The following BAZ2B variants were observed in gnomAD, a reference collection of about 807,000 sequenced individuals.
BAZ2B encodes bromodomain adjacent to zinc finger domain 2B, also known as bromodomain adjacent to zinc finger domain protein 2B.
BAZ2B carries 91 observed loss-of-function variants against 246.0 expected under a neutral mutation model. The observed-to-expected ratio is 0.37, with a 90% CI of 0.31 to 0.44. The LOEUF (loss-of-function observed/expected upper bound fraction) is 0.44, where lower values mean the gene tolerates loss of function less well. BAZ2B is among the 20% of genes least tolerant of loss of function. BAZ2B has a pLI of 1.00. For synonymous variants in BAZ2B, 855 were observed against 860.0 expected (o/e 0.99, Z 0.10); for missense variants, 2,332 against 2,533.7 (o/e 0.92, Z 1.71).
At position 159,616,451 on chromosome 2, in the gene BAZ2B, G is replaced by C. The variant is rs1251308490; in HGVS notation, c.-255C>G. 3 of 152,180 alleles carry C rather than the reference G, an allele frequency of 2.0e-5. No individual in the cohort carries two copies. Among genetic ancestry groups the C allele is most frequent in the Non-Finnish European group, 2.9e-5 (2 of 68,056 alleles). The allele number at this position is 152,180 out of a possible 1,614,324, so 9.4% of individuals were successfully genotyped here. A position where few individuals can be genotyped will look rare whatever the true frequency, so the allele number is the denominator to read the frequency against. On this transcript the variant is annotated 5_prime_UTR_variant, in exon 1 of 37. In the 5' UTR this introduces an upstream ATG that the reference lacks. Transcript: ENST00000392783. ...CTCCGTCTTCCGCCTCTCTCTCTCT[G>C]ATTAGTTCCTATCCAGCAGCAGATT...
At chr2:159,636,159 A>G in the BAZ2B span, among the ~76,000 whole-genome samples, 2 of 152,258 alleles carry the variant, frequency 1.3e-5, no homozygotes, top group Non-Finnish European at 2.9e-5. Flanking sequence ...ATGGAACACC[A>G]AATTTTAATT....
chr2:159,448,062 T>C (rs779730012), intron 5 of BAZ2B, among the ~76,000 whole-genome samples, 180 bp downstream of exon 5: 4 of 152,054 alleles, frequency 2.6e-5, no homozygotes, highest in Admixed American at 6.6e-5. Flanking sequence ...AGGACGAGGC[T>C]ACAGTAAGCT....
the BAZ2B span, among the ~76,000 whole-genome samples, chr2:159,708,197 G>A: frequency 1.3e-5 from 2 of 152,102 alleles, no homozygotes; most frequent in South Asian, 2.1e-4. Flanking sequence ...AGGAGGCTGA[G>A]GCAGGAGGAC....
chr2:159,550,239 A>C (rs1022257058), intron 2 of BAZ2B, among the ~76,000 whole-genome samples: 2 of 152,218 alleles, frequency 1.3e-5, no homozygotes, highest in African/African-American at 4.8e-5. Context: ...TGGCTCATAC[A>C]ATACAGAATT....
intron 3 of BAZ2B, among the ~76,000 whole-genome samples, chr2:159,455,521 T>C (rs1318085594): frequency 2.0e-5 from 3 of 152,000 alleles, no homozygotes; most frequent in Non-Finnish European, 4.4e-5. Flanking sequence ...CCTCAAAGTA[T>C]CTTTACAAGG....
intron 22 of BAZ2B, among the ~76,000 whole-genome samples, chr2:159,385,720 G>A (rs1385688645): frequency 6.6e-6 from 1 of 152,084 alleles, no homozygotes; most frequent in East Asian, 1.9e-4. Flanking sequence ...AGGAATGACA[G>A]AGTGGGGAGG....
the BAZ2B span, among the ~76,000 whole-genome samples, chr2:159,666,950 G>A: frequency 6.6e-6 from 1 of 151,994 alleles, no homozygotes. Context: ...CAAGGGGAAG[G>A]ATAGCATTAG....
Position 159,405,069 on chromosome 2 carries a change from T to C in BAZ2B, c.2723A>G (p.Gln908Arg), listed in dbSNP as rs1348136658. The stretch of plus-strand genomic sequence containing the variant: ...AGCAACCCGAGCCTGTTCCTGCTTT[T>C]GAAGTTTTCTCAAAAGCTTTATTTG... ...AAQIKLLRKL[Q>R]KQEQARVAKE... is the part of the protein sequence containing the mutation. The change falls in exon 15 of 37, where the codon CAA becomes CGA. Residue 908 changes from glutamine to arginine, a missense_variant. Gln to Arg is a conservative substitution (Grantham distance 43). Transcript: ENST00000392783. 36 of 1,614,154 alleles carry C rather than the reference T, an allele frequency of 2.2e-5. No homozygotes were observed. The highest frequency in any genetic ancestry group is 3.1e-5 in the Non-Finnish European group (36 of 1,179,986).
At chr2:159,543,823 C>T (rs1270304130) in intron 2 of BAZ2B, among the ~76,000 whole-genome samples, 3 of 152,200 alleles carry the variant, frequency 2.0e-5, no homozygotes, top group African/African-American at 7.2e-5. Flanking sequence ...CATGCGCCAC[C>T]GCGCCTGGCC....
At chr2:159,361,025 C>G (rs1030288541) in intron 27 of BAZ2B, among the ~76,000 whole-genome samples, 1 of 152,054 alleles carries the variant, frequency 6.6e-6, no homozygotes, top group Non-Finnish European at 1.5e-5. Flanking sequence ...CAATACCATT[C>G]AGGACATAGG....
chr2:159,647,605 T>A, the BAZ2B span, among the ~76,000 whole-genome samples: 2 of 152,158 alleles, frequency 1.3e-5, no homozygotes, highest in African/African-American at 4.8e-5. Flanking sequence ...ACCATCACAG[T>A]TAGCCAATTC....
At chr2:159,641,136 T>C in the BAZ2B span, among the ~76,000 whole-genome samples, 1 of 152,064 alleles carries the variant, frequency 6.6e-6, no homozygotes, top group Non-Finnish European at 1.5e-5. Context: ...AGAAATGATT[T>C]ATAGCCACAC....
At chr2:159,589,368 CA>C (rs889941771) in intron 1 of BAZ2B, among the ~76,000 whole-genome samples, 38 of 142,732 alleles carry the variant, frequency 2.7e-4, no homozygotes, top group African/African-American at 4.4e-4. Context: ...AGATTCCTTC[CA>C]AAAAAAAAAC....
At chr2:159,516,913 T>TA (rs757351510) in intron 2 of BAZ2B, among the ~76,000 whole-genome samples, 2 of 152,112 alleles carry the variant, frequency 1.3e-5, no homozygotes, top group Non-Finnish European at 2.9e-5. Context: ...TTCTGGCAGA[T>TA]AAACTATAAA....
the BAZ2B span, among the ~76,000 whole-genome samples, chr2:159,629,931 T>G: frequency 6.6e-6 from 1 of 152,094 alleles, no homozygotes; most frequent in African/African-American, 2.4e-5. Flanking sequence ...AGAAAGCAAG[T>G]TGGAGAAAAA....
At chr2:159,381,359 C>A (rs756101320) in intron 25 of BAZ2B, among the ~76,000 whole-genome samples, 5 of 152,056 alleles carry the variant, frequency 3.3e-5, no homozygotes, top group Non-Finnish European at 7.4e-5. Flanking sequence ...TTTACCTCCC[C>A]CTGCCCCCAA....
chr2:159,368,728 G>T (rs548593177), intron 27 of BAZ2B, among the ~76,000 whole-genome samples: 50 of 151,914 alleles, frequency 3.3e-4, no homozygotes, highest in African/African-American at 1.2e-3. Flanking sequence ...AACAATCGAA[G>T]AATTCATATA....
In BAZ2B at chr2:159,582,454, T is replaced by G. The variant is rs1687055999; in HGVS notation, c.-45-26589A>C. Among the ~76,000 whole-genome samples, 3 of 152,166 alleles carry G rather than the reference T, an allele frequency of 2.0e-5. No homozygotes were observed. In the South Asian group the frequency reaches 6.2e-4, roughly 31 times the overall value. On this transcript the variant is annotated intron_variant, in intron 1 of 36. Transcript: ENST00000392783. Reference sequence around the variant, plus strand: ...GACTCTGTAGCTCACGCTGGAGTGGTGTGCGATCACGGCTCACTGCAGCTT... The same window carrying G: ...GACTCTGTAGCTCACGCTGGAGTGGGGTGCGATCACGGCTCACTGCAGCTT...
intron 4 of BAZ2B, among the ~76,000 whole-genome samples, chr2:159,452,057 A>C (rs1163774975): frequency 6.6e-6 from 1 of 152,148 alleles, no homozygotes; most frequent in African/African-American, 2.4e-5. Context: ...AAACTGAATA[A>C]ATTCCTATTA....
Sources: gnomAD v4.1 joint callset for allele counts (sites outside exome capture counted in the v4.1 genomes callset) on GRCh38, gnomAD v4.1.1 for gene constraint, MANE v1.5 for transcripts, NCBI Gene and HGNC (gene_info 2026-07-23, HGNC 2026-07-21) for gene names.